Variants in SH3TC1 observed in about 807,000 individuals in gnomAD.
The protein encoded by SH3TC1 is SH3 domain and tetratricopeptide repeats 1.
In SH3TC1, 135 loss-of-function variants were observed where a neutral mutation model predicts 117.3. That is an observed-to-expected ratio of 1.15 (90% CI 1.00 to 1.33). The LOEUF is 1.33. SH3TC1 is among the 40% of genes most tolerant of loss of function. The pLI is 0.00. For missense variants in SH3TC1, 2,092 were observed against 1,794.3 expected (o/e 1.17, Z -3.00); for synonymous variants, 898 against 816.9 (o/e 1.10, Z -1.69).
rs563050960 is a variant in SH3TC1 at position 8,237,326 on chromosome 4, G to A, written c.3557-148G>A. On this transcript the variant is annotated intron_variant, in intron 16 of 17. Transcript: ENST00000245105. Reference sequence around the variant, plus strand: ...GCCTTATTAGTTCTGCTTTGTAGATGGGAAAGTGAGTCTGGGAGCTGGGAA... The same window carrying A: ...GCCTTATTAGTTCTGCTTTGTAGATAGGAAAGTGAGTCTGGGAGCTGGGAA... The A allele has an allele frequency of 6.4e-4, 405 of 636,952 alleles. 1 individual carries two copies. Among genetic ancestry groups the A allele is most frequent in the Non-Finnish European group, 5.2e-4 (205 of 393,814 alleles). The allele number at this position is 636,952 out of a possible 1,614,324, so 39.5% of individuals were successfully genotyped here. A position where few individuals can be genotyped will look rare whatever the true frequency, so the allele number is the denominator to read the frequency against.
At chr4:8,214,017 GC>G (rs1311384375) in intron 4 of SH3TC1, among the ~76,000 whole-genome samples, 1 of 152,070 alleles carries the variant, frequency 6.6e-6, no homozygotes, top group Non-Finnish European at 1.5e-5. Flanking sequence ...ATTTTTTCAT[GC>G]CCCTATCAAC....
intron 8 of SH3TC1, among the ~76,000 whole-genome samples, chr4:8,218,631 G>A (rs926487175): frequency 3.3e-5 from 5 of 152,286 alleles, no homozygotes; most frequent in African/African-American, 1.2e-4. Context: ...CAGGGCCCCC[G>A]GCCACTGTCT....
intron 1 of SH3TC1, among the ~76,000 whole-genome samples, chr4:8,188,352 G>T (rs1359229695): frequency 6.6e-6 from 1 of 152,230 alleles, no homozygotes; most frequent in Non-Finnish European, 1.5e-5. Context: ...CATCGGGCAG[G>T]CAGGTTGGAT....
rs779593784 is a variant in SH3TC1, at chr4:8,217,095, C to T, written c.767C>T (p.Pro256Leu). Residue 256 changes from proline (P) to leucine (L), a missense_variant, in exon 7 of 18, where the codon CCG (proline) becomes CTG (leucine). By Grantham distance (98) the Pro-to-Leu change is moderately conservative. Transcript: ENST00000245105. ...GEAAPETDSSPPSPSVSSEEV... is the reference protein window; with the variant it reads ...GEAAPETDSSLPSPSVSSEEV... ...GCGGCCCCGGAAACAGACTCTTCAC[C>T]GCCGAGCCCCAGCGTGTCCTCCGAG... is the stretch of plus-strand genomic sequence containing the variant. The T allele has an allele frequency of 8.1e-6, 13 of 1,612,934 alleles. No homozygotes were observed. Among genetic ancestry groups the T allele is most frequent in the Middle Eastern group, 1.6e-4 (1 of 6,076 alleles).
intron 4 of SH3TC1, among the ~76,000 whole-genome samples, chr4:8,213,514 A>C (rs1336010604): frequency 6.6e-6 from 1 of 152,162 alleles, no homozygotes; most frequent in East Asian, 1.9e-4. Context: ...GCTGTCGTGC[A>C]TGATGTCGGG....
chr4:8,214,123 G>A (rs932157676), intron 4 of SH3TC1, among the ~76,000 whole-genome samples: 2 of 152,192 alleles, frequency 1.3e-5, no homozygotes, highest in Non-Finnish European at 2.9e-5. Flanking sequence ...TCAGGGCTGA[G>A]AGCACAGCCG....
intron 1 of SH3TC1, among the ~76,000 whole-genome samples, chr4:8,182,495 G>A (rs1289650499): frequency 6.6e-6 from 1 of 152,208 alleles, no homozygotes; most frequent in Non-Finnish European, 1.5e-5. Context: ...GTGGCAGGAT[G>A]AGGTGGGAGT....
In SH3TC1 at chr4:8,236,350, G is replaced by A. The variant is rs1188795815; in HGVS notation, c.3478G>A (p.Ala1160Thr). Residue 1160 changes from alanine (A) to threonine (T), a missense_variant, in exon 16 of 18, where the codon GCA (alanine) becomes ACA (threonine). Transcript: ENST00000245105. ...AELRLCNKLVALLATLEEPQE... is the reference protein window; with the variant it reads ...AELRLCNKLVTLLATLEEPQE... Reference sequence around the variant, plus strand: ...GCTGCGGCTGTGCAACAAGCTGGTGGCACTGCTGGCCACGCTGGAGGAGCC... The same window carrying A: ...GCTGCGGCTGTGCAACAAGCTGGTGACACTGCTGGCCACGCTGGAGGAGCC... 3 of 1,550,828 alleles carry A rather than the reference G, an allele frequency of 1.9e-6. No individual in the cohort carries two copies. The highest frequency in any genetic ancestry group is 2.6e-6 in the Non-Finnish European group (3 of 1,147,388).
chr4:8,233,588 TGATA>T lies in SH3TC1; in HGVS notation c.3282+79_3282+82del, dbSNP rs1721458245. 8 of 1,462,284 alleles carry T rather than the reference TGATA, an allele frequency of 5.5e-6. No homozygotes were observed. In the South Asian group the frequency reaches 1.0e-4, roughly 18 times the overall value. The allele number at this position is 1,462,284 out of a possible 1,614,324, so 90.6% of individuals were successfully genotyped here. Reference sequence around the variant, plus strand: ...CCATCCATCCGTCCATTGATGATGATGATAGATGATCCTTCCATCATCTATCCAT... The same window carrying T: ...CCATCCATCCGTCCATTGATGATGATGATGATCCTTCCATCATCTATCCAT... On this transcript the variant is annotated intron_variant, in intron 14 of 17. Coordinates refer to ENST00000245105, the MANE Select transcript of SH3TC1 (RefSeq NM_018986.5).
chr4:8,195,374 G>A (rs1717528422), upstream of SH3TC1, among the ~76,000 whole-genome samples: 1 of 152,166 alleles, frequency 6.6e-6, no homozygotes, highest in Non-Finnish European at 1.5e-5. Flanking sequence ...GGCAGGCAGG[G>A]CTGTGTGTGC....
At chr4:8,236,551 A>T (rs1721835842) in intron 16 of SH3TC1, 123 bp downstream of exon 16, 3 of 1,315,950 alleles carry the variant, frequency 2.3e-6, no homozygotes, top group Non-Finnish European at 3.0e-6. Context: ...AGGCAGGCAC[A>T]TCTGCCCAGC....
At chr4:8,185,336 C>CA (rs1186631400) in intron 1 of SH3TC1, among the ~76,000 whole-genome samples, 41 of 151,102 alleles carry the variant, frequency 2.7e-4, no homozygotes, top group African/African-American at 6.6e-4. Context: ...AACTCCGTCT[C>CA]AAAAAAAACA....
chr4:8,218,748 G>C (rs75548240), intron 8 of SH3TC1, among the ~76,000 whole-genome samples: 5,880 of 152,344 alleles, frequency 0.039, 388 homozygotes, highest in African/African-American at 0.13. Context: ...GCCGAGGTGG[G>C]CTGGCGCTGG....
intron 10 of SH3TC1, among the ~76,000 whole-genome samples, chr4:8,223,574 C>T (rs1397609097): frequency 6.6e-6 from 1 of 151,930 alleles, no homozygotes; most frequent in Non-Finnish European, 1.5e-5. Context: ...AGAAACATGG[C>T]AGAGGCCGTG....
At position 8,189,684 on chromosome 4, in the gene SH3TC1, G is replaced by T. The variant is rs10030707; in HGVS notation, c.-57+7474G>T. On this transcript the variant is annotated intron_variant, in intron 1 of 16. Transcript: ENST00000508641. Reference sequence around the variant, plus strand: ...TCAGGGCCGGCGGGGGGCAGTAGGTGTCCAGTTCTGGCTGGGTGGTGTCTG... The same window carrying T: ...TCAGGGCCGGCGGGGGGCAGTAGGTTTCCAGTTCTGGCTGGGTGGTGTCTG... Among the ~76,000 whole-genome samples the T allele has an allele frequency of 3.5e-3, 535 of 152,326 alleles. 4 individuals are homozygous for T. The highest frequency in any genetic ancestry group is 0.012 in the African/African-American group (504 of 41,568).
chr4:8,193,236 G>C (rs1717469439), intron 1 of SH3TC1, among the ~76,000 whole-genome samples: 1 of 152,214 alleles, frequency 6.6e-6, no homozygotes, highest in Non-Finnish European at 1.5e-5. Context: ...GCCAATGGGA[G>C]AACCAGCAGC....
chr4:8,215,247 G>A (rs1308476385), intron 5 of SH3TC1: 2 of 456,052 alleles, frequency 4.4e-6, no homozygotes, highest in Non-Finnish European at 8.8e-6. Context: ...ACCCACGTGA[G>A]CTCTTCCTGG....
chr4:8,209,597 G>A lies in SH3TC1; in HGVS notation c.173-151G>A. ...GCTTCCCTCCTTGCTGGGCTCTGGG[G>A]AGACTGGAGGAAGGCAGCTGTGGGA... On this transcript the variant is annotated intron_variant, in intron 2 of 17. Coordinates refer to ENST00000245105, the MANE Select transcript of SH3TC1 (RefSeq NM_018986.5). This position sits in a 1 kb window ranked among gnomAD's most constrained non-coding sequence, Gnocchi z 5.9. 6.5e-7 allele frequency: 1 copy of A among 1,530,162 alleles called. No homozygotes were observed. The highest frequency in any genetic ancestry group is 8.8e-7 in the Non-Finnish European group (1 of 1,140,616). The allele number at this position is 1,530,162 out of a possible 1,614,324, so 94.8% of individuals were successfully genotyped here.
In SH3TC1 at chr4:8,218,954, C is replaced by G. The variant is rs555061142; in HGVS notation, c.917-381C>G. 2.6e-5 allele frequency among the ~76,000 whole-genome samples: 4 copies of G among 151,936 alleles called. No individual in the cohort carries two copies. In the South Asian group the frequency reaches 6.2e-4, roughly 24 times the overall value. ...TGGCCTGTGCACCTGTCAGAGCTGC[C>G]GGTGTCTGGGTGGCCTGCGCACCTG... On this transcript the variant is annotated intron_variant, in intron 8 of 17. Coordinates refer to ENST00000245105, the MANE Select transcript of SH3TC1 (RefSeq NM_018986.5).
Sources: gnomAD v4.1 joint callset for allele counts (sites outside exome capture counted in the v4.1 genomes callset) on GRCh38, gnomAD v4.1.1 for gene constraint, Gnocchi (gnomAD v3.1) non-coding constraint, MANE v1.5 for transcripts, NCBI Gene and HGNC (gene_info 2026-07-23, HGNC 2026-07-21) for gene names.